The following USHBP1 variants were observed in gnomAD, a reference collection of about 807,000 sequenced individuals.
USHBP1 encodes harmonin-binding protein USHBP1.
Under a neutral mutation model 76.2 loss-of-function variants are expected in USHBP1, and 67 were observed. That is an observed-to-expected ratio of 0.88 (90% CI 0.72 to 1.08). The LOEUF (loss-of-function observed/expected upper bound fraction) is 1.08, where lower values mean the gene tolerates loss of function less well. Among genes scored for constraint, USHBP1 ranks in the 50% least tolerant of loss-of-function variants. The pLI is 0.00. For synonymous variants in USHBP1, 322 were observed against 362.2 expected, an observed-to-expected ratio of 0.89 and a Z score of 1.26; for missense variants, 931 against 915.0, an observed-to-expected ratio of 1.02 and a Z score of -0.23.
At chr19:17,262,021 G>A (rs982177736) in intron 4 of USHBP1, among the ~76,000 whole-genome samples, 1 of 118,562 alleles carries the variant, frequency 8.4e-6, no homozygotes, top group Non-Finnish European at 1.7e-5. Context: ...TTTTTTTTGA[G>A]ACAGAGTCTC....
In USHBP1 at chr19:17,262,950, C is replaced by T; in HGVS notation, c.244G>A (p.Ala82Thr). 1 of 1,530,688 alleles carries T rather than the reference C, an allele frequency of 6.5e-7. No homozygotes were observed. Among genetic ancestry groups the T allele is most frequent in the Non-Finnish European group, 8.8e-7 (1 of 1,139,260 alleles). 94.8% of individuals were successfully genotyped at this position (1,530,688 alleles called of 1,614,324 possible). A position where few individuals can be genotyped will look rare whatever the true frequency, so the allele number is the denominator to read the frequency against. ...TTGTGGGGCACTTCGGGGGCTGAGG[C>T]CAGTTCCCTGCCAGAGCCCCCATCC... ...KMDGGSGREL[A>T]SAPEVPHKPA... is the part of the protein sequence containing the mutation. The change falls in exon 4 of 13, where the codon GCC (alanine) becomes ACC (threonine). Residue 82 changes from alanine to threonine, a missense_variant. Ala to Thr is a moderately conservative substitution (Grantham distance 58). Coordinates refer to ENST00000252597, the MANE Select transcript of USHBP1 (RefSeq NM_031941.4).
At position 17,259,225 on chromosome 19, in the gene USHBP1, G is replaced by A. The variant is rs1315506093; in HGVS notation, c.1046+64C>T. On this transcript the variant is annotated intron_variant, in intron 7 of 12. Transcript: ENST00000252597. ...CTCTCCAGTGAGGGTTCTGTGGATT[G>A]GGGCCATCCTCAGAAAGCCCACTCC... 5 of 1,535,678 alleles carry A rather than the reference G, an allele frequency of 3.3e-6. No individual in the cohort carries two copies. The African/African-American group carries it at 5.6e-5, about 17-fold the overall frequency.
At position 17,251,904 on chromosome 19, in the gene USHBP1, C is replaced by A. The variant is rs200743546; in HGVS notation, c.1799+7G>T. On this transcript the variant is annotated splice_region_variant and intron_variant, in intron 11 of 12. Coordinates refer to ENST00000252597, the MANE Select transcript of USHBP1 (RefSeq NM_031941.4). ...CCCCCCGCACAGCCCAGGACCCAGG[C>A]ACACACCTGGTGAGCGATGCTGCCA... 4.1e-5 allele frequency: 63 copies of A among 1,537,612 alleles called. No individual in the cohort carries two copies. The highest frequency in any genetic ancestry group is 5.2e-5 in the Non-Finnish European group (60 of 1,144,130).
At chr19:17,255,023 T>C (rs1251213107) in intron 10 of USHBP1, among the ~76,000 whole-genome samples, 1 of 152,060 alleles carries the variant, frequency 6.6e-6, no homozygotes, top group Non-Finnish European at 1.5e-5. Context: ...ATGCCTGTAA[T>C]CTCAGCACTT....
chr19:17,263,832 C>T, intron 3 of USHBP1, 170 bp downstream of exon 3: 1 of 901,524 alleles, frequency 1.1e-6, no homozygotes. Context: ...TGCCACTGCA[C>T]TGCACTACAG....
At chr19:17,261,648 T>A (rs374086521) in intron 4 of USHBP1, among the ~76,000 whole-genome samples, 11,587 of 149,618 alleles carry the variant, frequency 0.077, 517 homozygotes, top group Non-Finnish European at 0.11. Flanking sequence ...TTATTTTTTT[T>A]TTTTTTTGAG....
intron 10 of USHBP1, among the ~76,000 whole-genome samples, chr19:17,253,137 T>A (rs1203706897): frequency 6.6e-6 from 1 of 151,456 alleles, no homozygotes; most frequent in Non-Finnish European, 1.5e-5. Flanking sequence ...CCCAGCTAAT[T>A]TTTTGTATTT....
At chr19:17,259,872 A>G (rs2073667171) in intron 5 of USHBP1, 25 bp downstream of exon 5, 2 of 1,606,788 alleles carry the variant, frequency 1.2e-6, no homozygotes, top group African/African-American at 1.3e-5. Flanking sequence ...CATCAAGACC[A>G]TGGGATTGAA....
chr19:17,250,781 T>TA (rs1217943994), intron 12 of USHBP1, among the ~76,000 whole-genome samples: 1 of 151,962 alleles, frequency 6.6e-6, no homozygotes, highest in Non-Finnish European at 1.5e-5. Context: ...CTTGAACTCC[T>TA]GACCTCAGGT....
At chr19:17,254,253 A>T (rs2073590720) in intron 10 of USHBP1, among the ~76,000 whole-genome samples, 1 of 151,836 alleles carries the variant, frequency 6.6e-6, no homozygotes, top group South Asian at 2.1e-4. Context: ...AGGCGGAGGC[A>T]GGAGAATGGC....
Position 17,262,598 on chromosome 19 carries a change from G to T in USHBP1, c.596C>A (p.Ala199Asp). ...CTCAGCTCGGATGGCCTCCAGGGAG[G>T]CCTGCGTGCGGACCAGCTCATCCTC... is the stretch of plus-strand genomic sequence containing the variant. ...SREDELVRTQ[A>D]SLEAIRAEKE... The change falls in exon 4 of 13, where the codon GCC becomes GAC. Residue 199 changes from alanine (A) to aspartate (D), a missense_variant. Coordinates refer to ENST00000252597, the MANE Select transcript of USHBP1 (RefSeq NM_031941.4). 3.1e-6 allele frequency: 5 copies of T among 1,612,902 alleles called. No homozygotes were observed. The highest frequency in any genetic ancestry group is 1.1e-5 in the South Asian group (1 of 91,046).
At position 17,262,637 on chromosome 19, in the gene USHBP1, G is replaced by A; in HGVS notation, c.557C>T (p.Ala186Val). ...CAGCTCATCCTCTCGGCTACTCAGG[G>A]CCAGCCGGAGCCAGGCATTCCTCTC... is the stretch of plus-strand genomic sequence containing the variant. ...LAERNAWLRL[A>V]LSSREDELVR... Residue 186 changes from alanine to valine, a missense_variant, in exon 4 of 13, where the codon GCC (alanine) becomes GTC (valine). Ala to Val is a moderately conservative substitution (Grantham distance 64). Transcript: ENST00000252597. 1 of 1,613,878 alleles carries A rather than the reference G, an allele frequency of 6.2e-7. No homozygotes were observed. The highest frequency in any genetic ancestry group is 8.5e-7 in the Non-Finnish European group (1 of 1,180,026).
Position 17,262,536 on chromosome 19 carries a change from G to C in USHBP1, c.642+16C>G. ...CAGACAGAGAGCCACATGGGACTCAGGATGGCCCCACTCACCTCTTTCTGC... is the reference window on the plus strand; with the variant it reads ...CAGACAGAGAGCCACATGGGACTCACGATGGCCCCACTCACCTCTTTCTGC... On this transcript the variant is annotated intron_variant, in intron 4 of 12. Coordinates refer to ENST00000252597, the MANE Select transcript of USHBP1 (RefSeq NM_031941.4). 3.1e-6 allele frequency: 5 copies of C among 1,590,792 alleles called. No homozygotes were observed. Among genetic ancestry groups the C allele is most frequent in the Non-Finnish European group, 4.3e-6 (5 of 1,166,580 alleles).
chr19:17,256,953 C>G lies in USHBP1; in HGVS notation c.1221-233G>C, dbSNP rs559091114. Among the ~76,000 whole-genome samples, 62 of 151,756 alleles carry G rather than the reference C, an allele frequency of 4.1e-4. No individual in the cohort carries two copies. In the East Asian group the frequency reaches 0.011, roughly 28 times the overall value. On this transcript the variant is annotated intron_variant, in intron 8 of 12. Transcript: ENST00000252597. ...CCTGTAACCCCAGCACTTTGGGAGGCTGAGGTGGGAGGATTGCTTGAAGCC... is the reference window on the plus strand; with the variant it reads ...CCTGTAACCCCAGCACTTTGGGAGGGTGAGGTGGGAGGATTGCTTGAAGCC...
Position 17,263,008 on chromosome 19 carries a change from G to A in USHBP1, c.204-18C>T. ...TGTCAGTCCTGTGGACACCAACTCA[G>A]GCACTTGAGTCACTCCATGCTGGGC... On this transcript the variant is annotated intron_variant, in intron 3 of 12. Coordinates refer to ENST00000252597, the MANE Select transcript of USHBP1 (RefSeq NM_031941.4). The A allele has an allele frequency of 2.0e-6, 3 of 1,507,366 alleles. No homozygotes were observed. The highest frequency in any genetic ancestry group is 1.8e-6 in the Non-Finnish European group (2 of 1,127,726). The allele number at this position is 1,507,366 out of a possible 1,614,324, so 93.4% of individuals were successfully genotyped here.
Position 17,258,625 on chromosome 19 carries a change from C to G in USHBP1, c.1047-240G>C, listed in dbSNP as rs571661349. The G allele has an allele frequency of 4.8e-5, 20 of 415,472 alleles. 1 individual carries two copies. The highest frequency in any genetic ancestry group is 3.7e-4 in the South Asian group (16 of 42,838). 25.7% of individuals were successfully genotyped at this position (415,472 alleles called of 1,614,324 possible). A position where few individuals can be genotyped will look rare whatever the true frequency, so the allele number is the denominator to read the frequency against. On this transcript the variant is annotated intron_variant, in intron 7 of 12. Coordinates refer to ENST00000252597, the MANE Select transcript of USHBP1 (RefSeq NM_031941.4). The stretch of plus-strand genomic sequence containing the variant: ...TCAGGAGGCTGAGGCAGGAGAATCA[C>G]TTGAACTGGGGAGGCGGAGGTTGCA...
chr19:17,263,778 T>G, intron 3 of USHBP1: 1 of 519,822 alleles, frequency 1.9e-6, no homozygotes. Flanking sequence ...AAGCTGAGGC[T>G]CCCGCTTGAA....
chr19:17,257,145 C>A (rs147052560), intron 8 of USHBP1, among the ~76,000 whole-genome samples: 11 of 150,836 alleles, frequency 7.3e-5, no homozygotes, highest in African/African-American at 2.7e-4. Flanking sequence ...CTCAGCCTCC[C>A]AAGAAGGTAG....
In USHBP1 at chr19:17,260,921, T is replaced by G. The variant is rs368176299; in HGVS notation, c.643-899A>C. 1.2e-3 allele frequency among the ~76,000 whole-genome samples: 186 copies of G among 152,304 alleles called. 1 individual carries two copies. The highest frequency in any genetic ancestry group is 4.2e-3 in the African/African-American group (174 of 41,570). The stretch of plus-strand genomic sequence containing the variant: ...TTCACGCTCACACGTCAGTTCCATC[T>G]GCCACATCACCCAGAATCCGTCCGC... On this transcript the variant is annotated intron_variant, in intron 4 of 12. Transcript: ENST00000252597.
Sources: gnomAD v4.1 joint callset for allele counts (sites outside exome capture counted in the v4.1 genomes callset) on GRCh38, gnomAD v4.1.1 for gene constraint, MANE v1.5 for transcripts, NCBI Gene and HGNC (gene_info 2026-07-23, HGNC 2026-07-21) for gene names.